The following GRIK1 variants were observed in gnomAD, a reference collection of about 807,000 sequenced individuals.
GRIK1 encodes glutamate receptor ionotropic, kainate 1.
In GRIK1, 69 loss-of-function variants were observed where a neutral mutation model predicts 105.7. The ratio of observed to expected loss-of-function variants is 0.65; its 90% CI spans 0.54 to 0.80. GRIK1 has a LOEUF of 0.80. Ranked by LOEUF, GRIK1 falls within the 30% of genes least tolerant of loss-of-function variation. GRIK1 has a pLI of 0.00. For synonymous variants in GRIK1, 438 were observed against 431.3 expected (o/e 1.02, Z -0.19); for missense variants, 1,109 against 1,167.3 (o/e 0.95, Z 0.73).
chr21:29,563,008 AT>A (rs1008411354), intron 14 of GRIK1, among the ~76,000 whole-genome samples: 338 of 148,640 alleles, frequency 2.3e-3, no homozygotes, highest in African/African-American at 6.1e-3. Flanking sequence ...TACAGTTCCA[AT>A]TTTTTTTTTT....
intron 1 of GRIK1, among the ~76,000 whole-genome samples, chr21:29,834,174 G>T (rs2067716451): frequency 1.3e-5 from 2 of 151,760 alleles, no homozygotes; most frequent in East Asian, 3.9e-4. Flanking sequence ...AAGTATTTTT[G>T]CAGTTTTAGT....
At chr21:29,678,470 A>G (rs922683402) in intron 3 of GRIK1, among the ~76,000 whole-genome samples, 127 of 152,296 alleles carry the variant, frequency 8.3e-4, no homozygotes, top group African/African-American at 2.8e-3. Context: ...ACTCAGCTCC[A>G]CCAGTATATG....
chr21:29,620,975 T>C (rs1351707756), intron 7 of GRIK1, among the ~76,000 whole-genome samples: 1 of 148,124 alleles, frequency 6.8e-6, no homozygotes, highest in Non-Finnish European at 1.5e-5. Context: ...TATACAGAAT[T>C]TGGAAAAAAA....
At chr21:29,764,470 C>G (rs947610359) in intron 1 of GRIK1, among the ~76,000 whole-genome samples, 1 of 152,122 alleles carries the variant, frequency 6.6e-6, no homozygotes, top group Non-Finnish European at 1.5e-5. Context: ...AAAGTAATTT[C>G]CCTATTGCAA....
At chr21:29,729,058 C>T (rs1428489054) in intron 1 of GRIK1, among the ~76,000 whole-genome samples, 1 of 151,878 alleles carries the variant, frequency 6.6e-6, no homozygotes, top group Non-Finnish European at 1.5e-5. Flanking sequence ...GGTTTTTTTC[C>T]CCAAGGAGTA....
chr21:29,803,800 C>G (rs555468446), intron 1 of GRIK1, among the ~76,000 whole-genome samples: 3 of 152,230 alleles, frequency 2.0e-5, no homozygotes, highest in Admixed American at 6.6e-5. Flanking sequence ...CATCCTTCCT[C>G]CATTGCTTTA....
intron 16 of GRIK1, among the ~76,000 whole-genome samples, chr21:29,541,777 G>T (rs529978240): frequency 6.6e-6 from 1 of 150,616 alleles, no homozygotes; most frequent in Non-Finnish European, 1.5e-5. Context: ...ATGTTTCTGT[G>T]TCTATGTAGT....
intron 1 of GRIK1, among the ~76,000 whole-genome samples, chr21:29,859,509 T>C (rs1199731843): frequency 6.6e-6 from 1 of 152,218 alleles, no homozygotes; most frequent in African/African-American, 2.4e-5. Context: ...CACAGAATGA[T>C]AGTCAACAGC....
intron 1 of GRIK1, among the ~76,000 whole-genome samples, chr21:29,808,097 G>C (rs148687135): frequency 2.0e-5 from 3 of 152,266 alleles, no homozygotes; most frequent in African/African-American, 7.2e-5. Context: ...GGATGAAAAA[G>C]GGAAGGCAGA....
At chr21:29,884,044 A>G (rs542155919) in intron 1 of GRIK1, among the ~76,000 whole-genome samples, 21 of 151,848 alleles carry the variant, frequency 1.4e-4, no homozygotes, top group African/African-American at 4.6e-4. Flanking sequence ...AGAAATCTTG[A>G]CTCCCATGTG....
chr21:29,653,456 C>T (rs1193832050), intron 5 of GRIK1, among the ~76,000 whole-genome samples: 1 of 152,194 alleles, frequency 6.6e-6, no homozygotes, highest in Non-Finnish European at 1.5e-5. Context: ...TAAAAGTGCA[C>T]ATTTATTCAT....
At chr21:29,926,324 G>GATT (rs1184343676) in intron 1 of GRIK1, among the ~76,000 whole-genome samples, 1 of 152,178 alleles carries the variant, frequency 6.6e-6, no homozygotes, top group Non-Finnish European at 1.5e-5. Context: ...AAACCACAGT[G>GATT]ATTAGTCCAG....
intron 1 of GRIK1, among the ~76,000 whole-genome samples, chr21:29,856,454 G>T (rs2068467396): frequency 1.3e-5 from 2 of 152,174 alleles, no homozygotes; most frequent in African/African-American, 4.8e-5. Context: ...CCCCTTGTGT[G>T]TTGTGAACAC....
rs138503895 is a variant in GRIK1 at position 29,626,731 on chromosome 21, A to G, written c.1098+16095T>C. ...AATGTTTAGCACCATTGGTTTTTGT[A>G]TGTGTTGATGAGCACACTATTTCTA... On this transcript the variant is annotated intron_variant, in intron 7 of 17. Transcript: ENST00000327783. 2.0e-3 allele frequency among the ~76,000 whole-genome samples: 299 copies of G among 152,294 alleles called. 1 individual carries two copies. The highest frequency in any genetic ancestry group is 6.6e-3 in the African/African-American group (276 of 41,566).
intron 15 of GRIK1, among the ~76,000 whole-genome samples, chr21:29,560,429 C>CTTTCTT (rs2090416920): frequency 7.8e-6 from 1 of 128,490 alleles, no homozygotes; most frequent in Non-Finnish European, 1.6e-5. Context: ...TTCTTTCTTT[C>CTTTCTT]TTTCTTTCTT....
intron 14 of GRIK1, among the ~76,000 whole-genome samples, chr21:29,575,593 G>C (rs1019226297): frequency 1.3e-5 from 2 of 152,126 alleles, no homozygotes; most frequent in African/African-American, 4.8e-5. Context: ...CAGGACTTTG[G>C]GAGGCTGAGG....
chr21:29,916,903 C>T (rs457503), intron 1 of GRIK1, among the ~76,000 whole-genome samples: 35,466 of 151,838 alleles, frequency 0.23, 4,950 homozygotes, highest in African/African-American at 0.39. Context: ...ATGAAACATA[C>T]ATGAATATAT....
intron 1 of GRIK1, among the ~76,000 whole-genome samples, chr21:29,805,325 T>C (rs1324569797): frequency 6.6e-6 from 1 of 152,124 alleles, no homozygotes; most frequent in Non-Finnish European, 1.5e-5. Flanking sequence ...AGCAGGAAGC[T>C]GATAGTGCAG....
At chr21:29,768,329 T>A (rs2065726552) in intron 1 of GRIK1, among the ~76,000 whole-genome samples, 1 of 152,134 alleles carries the variant, frequency 6.6e-6, no homozygotes, top group Non-Finnish European at 1.5e-5. Flanking sequence ...CCCTTAAAAG[T>A]GGAACCTGAG....
Sources: gnomAD v4.1 joint callset for allele counts (sites outside exome capture counted in the v4.1 genomes callset) on GRCh38, gnomAD v4.1.1 for gene constraint, MANE v1.5 for transcripts, NCBI Gene and HGNC (gene_info 2026-07-23, HGNC 2026-07-21) for gene names.